The following IPMK variants were observed in gnomAD, a reference collection of about 807,000 sequenced individuals.
IPMK encodes inositol polyphosphate multikinase.
IPMK carries 17 observed loss-of-function variants against 45.8 expected under a neutral mutation model. The observed-to-expected ratio is 0.37, with a 90% CI of 0.25 to 0.56. The LOEUF is 0.56. IPMK is among the 20% of genes least tolerant of loss of function. IPMK has a pLI of 0.79. For missense variants in IPMK, 399 were observed against 498.0 expected (o/e 0.80, Z 1.89); for synonymous variants, 180 against 184.3 (o/e 0.98, Z 0.19).
At chr10:58,206,728 C>G (rs1015824806) in intron 4 of IPMK, among the ~76,000 whole-genome samples, 1 of 152,080 alleles carries the variant, frequency 6.6e-6, no homozygotes, top group Non-Finnish European at 1.5e-5. Flanking sequence ...GTGCACCTGT[C>G]ACCCAAGCAG....
intron 1 of IPMK, among the ~76,000 whole-genome samples, chr10:58,248,155 C>T (rs529892511): frequency 6.6e-6 from 1 of 151,948 alleles, no homozygotes; most frequent in South Asian, 2.1e-4. Context: ...TTATACTTCA[C>T]TTCAGTCTAT....
intron 1 of IPMK, among the ~76,000 whole-genome samples, chr10:58,256,624 T>C (rs1838971894): frequency 6.6e-6 from 1 of 152,092 alleles, no homozygotes; most frequent in South Asian, 2.1e-4. Context: ...CGTACCCCCC[T>C]CCCCTTTTGA....
intron 2 of IPMK, among the ~76,000 whole-genome samples, chr10:58,228,353 T>A (rs1409971315): frequency 6.6e-6 from 1 of 152,242 alleles, no homozygotes; most frequent in Non-Finnish European, 1.5e-5. Flanking sequence ...GTGTATCATC[T>A]CTGTAAAGGC....
At chr10:58,214,130 G>A (rs1166961359) in intron 4 of IPMK, among the ~76,000 whole-genome samples, 1 of 152,150 alleles carries the variant, frequency 6.6e-6, no homozygotes, top group African/African-American at 2.4e-5. Context: ...CCAGTAAAGA[G>A]GCAGAAGTTG....
chr10:58,246,917 CTAA>C (rs1193502378), intron 1 of IPMK, among the ~76,000 whole-genome samples: 1 of 150,594 alleles, frequency 6.6e-6, no homozygotes, highest in African/African-American at 2.5e-5. Context: ...TGACAAAGGG[CTAA>C]TATCCAGAAT....
Position 58,207,206 on chromosome 10 carries a change from T to A in IPMK, c.547-7885A>T, listed in dbSNP as rs375279807. On this transcript the variant is annotated intron_variant, in intron 4 of 5. Transcript: ENST00000373935. Reference sequence around the variant, plus strand: ...TTTTAGTAGAGATGGGGTTTCACCATGTTAGCTAGGATGGTCTCGATCTCC... The same window carrying A: ...TTTTAGTAGAGATGGGGTTTCACCAAGTTAGCTAGGATGGTCTCGATCTCC... Among the ~76,000 whole-genome samples the A allele has an allele frequency of 2.0e-5, 3 of 152,232 alleles. No individual in the cohort carries two copies. In the South Asian group the frequency reaches 6.2e-4, roughly 32 times the overall value.
At chr10:58,212,272 T>C (rs1322484454) in intron 4 of IPMK, among the ~76,000 whole-genome samples, 2 of 152,352 alleles carry the variant, frequency 1.3e-5, no homozygotes, top group East Asian at 3.9e-4. Flanking sequence ...TCAGGAACGT[T>C]ACAAGATGGA....
At chr10:58,250,363 A>G (rs1838863870) in intron 1 of IPMK, among the ~76,000 whole-genome samples, 1 of 151,808 alleles carries the variant, frequency 6.6e-6, no homozygotes, top group African/African-American at 2.4e-5. Flanking sequence ...AGTGTTTTAT[A>G]GTTTTTATTG....
At chr10:58,252,553 T>G (rs929871478) in intron 1 of IPMK, among the ~76,000 whole-genome samples, 1 of 151,662 alleles carries the variant, frequency 6.6e-6, no homozygotes, top group Admixed American at 6.6e-5. Flanking sequence ...ATCACACAGA[T>G]AATAAACATA....
At chr10:58,208,041 C>T (rs1013057239) in intron 4 of IPMK, among the ~76,000 whole-genome samples, 3 of 152,022 alleles carry the variant, frequency 2.0e-5, no homozygotes, top group Non-Finnish European at 2.9e-5. Context: ...CCCGGGTTCA[C>T]GCCATTCTCC....
intron 2 of IPMK, among the ~76,000 whole-genome samples, chr10:58,228,940 T>A (rs1838464331): frequency 6.6e-6 from 1 of 152,204 alleles, no homozygotes; most frequent in Admixed American, 6.5e-5. Context: ...CAAGCAGTGA[T>A]GTTTGGGCTT....
At chr10:58,266,817 A>G (rs1299577824) in intron 1 of IPMK, among the ~76,000 whole-genome samples, 3 of 152,188 alleles carry the variant, frequency 2.0e-5, no homozygotes, top group African/African-American at 7.2e-5. Context: ...TCCCACCAGG[A>G]ATCCGAGTTT....
chr10:58,250,694 C>T (rs1223115328), intron 1 of IPMK, among the ~76,000 whole-genome samples: 1 of 152,040 alleles, frequency 6.6e-6, no homozygotes, highest in Non-Finnish European at 1.5e-5. Flanking sequence ...ACTTCCACTC[C>T]TAGGAGTAGG....
intron 1 of IPMK, among the ~76,000 whole-genome samples, chr10:58,259,576 T>C (rs372613411): frequency 2.0e-5 from 3 of 151,592 alleles, no homozygotes; most frequent in East Asian, 3.9e-4. Flanking sequence ...CTCACGCCTA[T>C]AATGCCAGCA....
intron 2 of IPMK, among the ~76,000 whole-genome samples, chr10:58,228,647 C>A (rs1838458274): frequency 6.6e-6 from 1 of 152,196 alleles, no homozygotes; most frequent in South Asian, 2.1e-4. Context: ...CATTCTCCTG[C>A]CTCAGCCTCC....
At chr10:58,219,733 G>A (rs894836821) in intron 3 of IPMK, among the ~76,000 whole-genome samples, 1 of 152,206 alleles carries the variant, frequency 6.6e-6, no homozygotes, top group Non-Finnish European at 1.5e-5. Flanking sequence ...AAAGAGAAAA[G>A]AGAATATATG....
At chr10:58,210,379 A>G (rs941883132) in intron 4 of IPMK, among the ~76,000 whole-genome samples, 2 of 151,958 alleles carry the variant, frequency 1.3e-5, no homozygotes, top group Non-Finnish European at 2.9e-5. Flanking sequence ...CATGGCTTTC[A>G]GGCTACACCC....
At chr10:58,244,015 C>T (rs1161250835) in intron 1 of IPMK, among the ~76,000 whole-genome samples, 1 of 151,478 alleles carries the variant, frequency 6.6e-6, no homozygotes, top group African/African-American at 2.4e-5. Context: ...GCGTCTCTGC[C>T]CGGCTGCCCC....
chr10:58,233,889 T>C (rs1410273838), intron 2 of IPMK, among the ~76,000 whole-genome samples: 4 of 152,146 alleles, frequency 2.6e-5, no homozygotes, highest in Non-Finnish European at 4.4e-5. Flanking sequence ...TCCCTGTTTG[T>C]AGATGACATG....
Sources: gnomAD v4.1 joint callset for allele counts (sites outside exome capture counted in the v4.1 genomes callset) on GRCh38, gnomAD v4.1.1 for gene constraint, MANE v1.5 for transcripts, NCBI Gene and HGNC (gene_info 2026-07-23, HGNC 2026-07-21) for gene names.